Variants in DOCK5 observed in about 807,000 individuals in gnomAD.
The protein encoded by DOCK5 is dedicator of cytokinesis 5.
Under a neutral mutation model 251.8 loss-of-function variants are expected in DOCK5, and 142 were observed. That is an observed-to-expected ratio of 0.56 (90% CI 0.49 to 0.65). DOCK5 has a LOEUF of 0.65. Among genes scored for constraint, DOCK5 ranks in the 30% least tolerant of loss-of-function variants. DOCK5 has a pLI of 0.00. For missense variants in DOCK5, 2,111 were observed against 2,312.3 expected (o/e 0.91, Z 1.79); for synonymous variants, 842 against 835.5 (o/e 1.01, Z -0.13).
At chr8:25,275,700 G>T (rs1306202838) in intron 4 of DOCK5, among the ~76,000 whole-genome samples, 1 of 152,130 alleles carries the variant, frequency 6.6e-6, no homozygotes, top group Non-Finnish European at 1.5e-5. Flanking sequence ...GCTGGGCTTG[G>T]TGGTGGGTGC....
chr8:25,368,491 A>T lies in DOCK5; in HGVS notation c.3284-80A>T, dbSNP rs1800817382. ...AGTTGTTTTAACCTTTTCTTTTCTT[A>T]TGGAACTTGTGGAGGAAGATTTTAA... On this transcript the variant is annotated intron_variant, in intron 32 of 51. Coordinates refer to ENST00000276440, the MANE Select transcript of DOCK5 (RefSeq NM_024940.8). The T allele has an allele frequency of 2.0e-6, 3 of 1,476,614 alleles. No homozygotes were observed. The African/African-American group carries it at 4.3e-5, about 21-fold the overall frequency. 91.5% of individuals were successfully genotyped at this position (1,476,614 alleles called of 1,614,324 possible).
intron 2 of DOCK5, among the ~76,000 whole-genome samples, chr8:25,249,897 T>C (rs1318296278): frequency 6.6e-6 from 1 of 152,168 alleles, no homozygotes; most frequent in Non-Finnish European, 1.5e-5. Flanking sequence ...CCACTGCACC[T>C]GGCCCAACTT....
At chr8:25,349,809 G>A (rs1800434441) in intron 26 of DOCK5, among the ~76,000 whole-genome samples, 1 of 152,154 alleles carries the variant, frequency 6.6e-6, no homozygotes, top group Non-Finnish European at 1.5e-5. Context: ...TACGCATTGG[G>A]TACAGTGTAC....
At chr8:25,189,989 C>T (rs1309936311) in intron 1 of DOCK5, among the ~76,000 whole-genome samples, 5 of 152,260 alleles carry the variant, frequency 3.3e-5, no homozygotes, top group African/African-American at 7.2e-5. Context: ...TGGGTTCAAG[C>T]GATTCTCCTG....
At chr8:25,190,161 A>G (rs549919279) in intron 1 of DOCK5, among the ~76,000 whole-genome samples, 24 of 152,364 alleles carry the variant, frequency 1.6e-4, no homozygotes, top group Non-Finnish European at 2.9e-4. Context: ...TGCTGGGATT[A>G]CAGGCGTGAG....
chr8:25,226,749 C>A (rs1802544912), intron 1 of DOCK5, among the ~76,000 whole-genome samples: 1 of 152,034 alleles, frequency 6.6e-6, no homozygotes, highest in African/African-American at 2.4e-5. Context: ...CCACGCCCGG[C>A]TAATTTTTTG....
chr8:25,205,611 C>T (rs1801982933), intron 1 of DOCK5, among the ~76,000 whole-genome samples: 1 of 152,140 alleles, frequency 6.6e-6, no homozygotes, highest in Admixed American at 6.5e-5. Context: ...GAAAGTAATT[C>T]ACATGCACAT....
chr8:25,341,242 C>A (rs1805948105), intron 23 of DOCK5, among the ~76,000 whole-genome samples: 1 of 152,096 alleles, frequency 6.6e-6, no homozygotes, highest in Non-Finnish European at 1.5e-5. Flanking sequence ...CATTGTGAAC[C>A]CTGTTTGACC....
intron 1 of DOCK5, among the ~76,000 whole-genome samples, chr8:25,199,291 C>A (rs566219391): frequency 7.9e-6 from 1 of 126,400 alleles, no homozygotes; most frequent in Non-Finnish European, 1.8e-5. Flanking sequence ...ACCTGTATTT[C>A]AAATAAAATG....
intron 11 of DOCK5, chr8:25,305,267 A>G (rs1366571550): frequency 1.3e-5 from 2 of 150,206 alleles, no homozygotes; most frequent in African/African-American, 5.0e-5. Flanking sequence ...GATATCACAA[A>G]TTAGTGGAGA....
chr8:25,358,414 A>G (rs1185061391), intron 27 of DOCK5, among the ~76,000 whole-genome samples: 1 of 152,188 alleles, frequency 6.6e-6, no homozygotes, highest in Admixed American at 6.5e-5. Flanking sequence ...GGCCCCTCCC[A>G]CAACACATGG....
chr8:25,374,349 C>T (rs752809106), intron 36 of DOCK5, among the ~76,000 whole-genome samples: 25 of 152,100 alleles, frequency 1.6e-4, no homozygotes, highest in African/African-American at 5.3e-4. Flanking sequence ...ACAAAAGATA[C>T]GAAAATTAGC....
chr8:25,343,000 C>T (rs750211086), intron 25 of DOCK5, among the ~76,000 whole-genome samples: 17 of 151,460 alleles, frequency 1.1e-4, no homozygotes, highest in African/African-American at 1.5e-4. Context: ...CCACCGCGTC[C>T]GGCTTGTTTG....
At chr8:25,185,385 CG>C (rs199820351) in intron 1 of DOCK5, among the ~76,000 whole-genome samples, 1 of 152,150 alleles carries the variant, frequency 6.6e-6, no homozygotes, top group Non-Finnish European at 1.5e-5. Context: ...TTCTGCCCCC[CG>C]CTTTCGTAGG....
chr8:25,338,297 T>C (rs1805865294), intron 22 of DOCK5, among the ~76,000 whole-genome samples: 1 of 152,102 alleles, frequency 6.6e-6, no homozygotes, highest in African/African-American at 2.4e-5. Context: ...CACCTCCGCC[T>C]CCCAAAGTGC....
In DOCK5 at chr8:25,298,988, T is replaced by A; in HGVS notation, c.651T>A (p.Ser217Arg). 1 of 1,613,920 alleles carries A rather than the reference T, an allele frequency of 6.2e-7. No individual in the cohort carries two copies. The highest frequency in any genetic ancestry group is 8.5e-7 in the Non-Finnish European group (1 of 1,179,852). ...ATTTGCGGGGCCAGTCCATCTTCAG[T>A]ACCATCCACACCTATGGCCTCTATG... The part of the protein sequence containing the change: ...NLDLRGQSIF[S>R]TIHTYGLYVN... Residue 217 changes from serine to arginine, a missense_variant, in exon 8 of 52, where the codon AGT becomes AGA. Physicochemically the swap from Ser to Arg is moderately radical, Grantham distance 110. Transcript: ENST00000276440.
At chr8:25,243,884 G>A in intron 2 of DOCK5, 127 bp downstream of exon 2, 1 of 899,518 alleles carries the variant, frequency 1.1e-6, no homozygotes, top group Non-Finnish European at 1.7e-6. Context: ...AAAAATTCAG[G>A]AAGTACTTGG....
At chr8:25,409,310 GGAACCA>G in intron 50 of DOCK5, 1 of 243,892 alleles carries the variant, frequency 4.1e-6, no homozygotes, top group Non-Finnish European at 8.2e-6. Flanking sequence ...TCTGGCTTGG[GGAACCA>G]GCAGTGCACA....
intron 1 of DOCK5, among the ~76,000 whole-genome samples, chr8:25,229,762 GTTTA>G (rs1802622961): frequency 6.6e-6 from 1 of 151,996 alleles, no homozygotes; most frequent in Non-Finnish European, 1.5e-5. Flanking sequence ...TGTTTCATTT[GTTTA>G]TTTGATTGAT....
Sources: gnomAD v4.1 joint callset for allele counts (sites outside exome capture counted in the v4.1 genomes callset) on GRCh38, gnomAD v4.1.1 for gene constraint, MANE v1.5 for transcripts, NCBI Gene and HGNC (gene_info 2026-07-23, HGNC 2026-07-21) for gene names.